Variants in CACNA1D observed in about 807,000 individuals in gnomAD.
CACNA1D encodes voltage-dependent L-type calcium channel subunit alpha-1D.
In CACNA1D, 55 loss-of-function variants were observed where a neutral mutation model predicts 257.1. The ratio of observed to expected loss-of-function variants is 0.21; its 90% CI spans 0.17 to 0.27. The LOEUF (loss-of-function observed/expected upper bound fraction) is 0.27. Ranked by LOEUF, CACNA1D falls within the 10% of genes least tolerant of loss-of-function variation. CACNA1D has a pLI of 1.00. For synonymous variants in CACNA1D, 980 were observed against 1,014.9 expected (o/e 0.97, Z 0.65); for missense variants, 1,876 against 2,784.0 (o/e 0.67, Z 7.34).
intron 3 of CACNA1D, among the ~76,000 whole-genome samples, chr3:53,563,533 CAAAAA>C (rs34553768): frequency 1.0e-5 from 1 of 95,556 alleles, no homozygotes; most frequent in African/African-American, 4.2e-5. Flanking sequence ...GACTCTGTCT[CAAAAA>C]AAAAAAAAAA....
rs544079225 is a variant in CACNA1D at position 53,591,102 on chromosome 3, T to C, written c.484-59677T>C. ...CCTGCCTCTAAGCGACACTACACTG[T>C]CACCTTCCTTCATCATCACTGTTGG... On this transcript the variant is annotated intron_variant, in intron 3 of 47. Transcript: ENST00000350061. Among the ~76,000 whole-genome samples, 6 of 152,306 alleles carry C rather than the reference T, an allele frequency of 3.9e-5. No homozygotes were observed. The South Asian group carries it at 1.2e-3, about 32-fold the overall frequency.
intron 3 of CACNA1D, among the ~76,000 whole-genome samples, chr3:53,639,061 G>T (rs1217992740): frequency 6.6e-6 from 1 of 152,216 alleles, no homozygotes; most frequent in Non-Finnish European, 1.5e-5. Context: ...GGGCACAATT[G>T]CTGTTTGTAT....
chr3:53,508,054 C>T (rs1575702212), intron 3 of CACNA1D, among the ~76,000 whole-genome samples: 1 of 152,174 alleles, frequency 6.6e-6, no homozygotes, highest in Admixed American at 6.5e-5. Flanking sequence ...GTCTGACTGA[C>T]CTCTAGTAGG....
At position 53,751,955 on chromosome 3, in the gene CACNA1D, G is replaced by T. The variant is rs2095229806; in HGVS notation, c.3675+48G>T. 7 of 1,576,012 alleles carry T rather than the reference G, an allele frequency of 4.4e-6. No individual in the cohort carries two copies. Among genetic ancestry groups the T allele is most frequent in the Non-Finnish European group, 5.2e-6 (6 of 1,145,624 alleles). ...GGATCAGGTCCGGGCATTCCGCACA[G>T]CCCCGTGCCCCAAATGCTGAGGGTG... On this transcript the variant is annotated intron_variant, in intron 28 of 47. Transcript: ENST00000350061. This position sits in a 1 kb window ranked among gnomAD's most constrained non-coding sequence, Gnocchi z 4.3.
chr3:53,798,156 G>A (rs561136504), intron 40 of CACNA1D: 4 of 152,338 alleles, frequency 2.6e-5, no homozygotes, highest in African/African-American at 7.2e-5. Context: ...CAGCTGTGCT[G>A]TGTAAGAGCT....
rs746649138 is a variant in CACNA1D, at chr3:53,769,957, C to T, written c.3871-16C>T. The T allele has an allele frequency of 1.2e-6, 2 of 1,603,370 alleles. No homozygotes were observed. Among genetic ancestry groups the T allele is most frequent in the African/African-American group, 2.7e-5 (2 of 74,744 alleles). The stretch of plus-strand genomic sequence containing the variant: ...CCTGGTTCATTAATCCATTTTCAAT[C>T]TTTGATTTCTTAAAGCCAACTGAAA... On this transcript the variant is annotated splice_polypyrimidine_tract_variant and intron_variant, in intron 30 of 47. Coordinates refer to ENST00000350061, the MANE Select transcript of CACNA1D (RefSeq NM_001128840.3).
chr3:53,538,141 G>GTTTT lies in CACNA1D; in HGVS notation c.483+36444_483+36447dup, dbSNP rs538996336. The stretch of plus-strand genomic sequence containing the variant: ...TTCTCCATATTTACCAGTTTTTGAA[G>GTTTT]TTTTTTTTTTTTTTTTTTTTTTTTT... On this transcript the variant is annotated intron_variant, in intron 3 of 47. Transcript: ENST00000350061. 2.1e-3 allele frequency among the ~76,000 whole-genome samples: 194 copies of GTTTT among 90,462 alleles called. 30 individuals carry two copies. Among genetic ancestry groups the GTTTT allele is most frequent in the African/African-American group, 9.7e-3 (162 of 16,672 alleles). The allele number at this position is 90,462 out of a possible 152,430, so 59.3% of individuals were successfully genotyped here.
At chr3:53,496,406 C>T (rs1324706060) in intron 1 of CACNA1D, among the ~76,000 whole-genome samples, 1 of 152,182 alleles carries the variant, frequency 6.6e-6, no homozygotes, top group Non-Finnish European at 1.5e-5. Context: ...TGTAGGGGTG[C>T]AGGCTGACTG....
intron 3 of CACNA1D, among the ~76,000 whole-genome samples, chr3:53,556,350 TTG>T: frequency 6.6e-6 from 1 of 152,356 alleles, no homozygotes; most frequent in Middle Eastern, 3.4e-3. Flanking sequence ...CTGTACCATT[TTG>T]TATTCCCACC....
chr3:53,520,538 G>T (rs1047687320), intron 3 of CACNA1D, among the ~76,000 whole-genome samples: 1 of 152,232 alleles, frequency 6.6e-6, no homozygotes, highest in African/African-American at 2.4e-5. Flanking sequence ...GGCCAAGGCG[G>T]GTCGGTCACC....
intron 20 of CACNA1D, among the ~76,000 whole-genome samples, chr3:53,736,709 T>C (rs1424879378): frequency 6.6e-6 from 1 of 151,860 alleles, no homozygotes; most frequent in East Asian, 1.9e-4. Context: ...CTAGGCAACA[T>C]AGTGAGACCC....
At position 53,678,008 on chromosome 3, in the gene CACNA1D, T is replaced by G. The variant is rs1007256295; in HGVS notation, c.1220+4882T>G. ...TGAAATTATGACAGTTCAGGAAGGG[T>G]GCATCTCTTCCTGGATTTGATGCAA... On this transcript the variant is annotated intron_variant, in intron 8 of 47. Coordinates refer to ENST00000350061, the MANE Select transcript of CACNA1D (RefSeq NM_001128840.3). Among the ~76,000 whole-genome samples, 5 of 152,304 alleles carry G rather than the reference T, an allele frequency of 3.3e-5. No homozygotes were observed. The East Asian group carries it at 9.6e-4, about 29-fold the overall frequency.
At chr3:53,638,554 G>A (rs1228269964) in intron 3 of CACNA1D, among the ~76,000 whole-genome samples, 2 of 152,338 alleles carry the variant, frequency 1.3e-5, no homozygotes, top group East Asian at 3.9e-4. Context: ...TTTGCCACAC[G>A]AAGACACTGG....
intron 10 of CACNA1D, chr3:53,718,651 G>T: frequency 6.5e-7 from 1 of 1,546,690 alleles, no homozygotes. Context: ...AGAATGTGGT[G>T]GTTAACCTGG....
intron 19 of CACNA1D, 145 bp downstream of exon 19, chr3:53,733,107 C>A: frequency 1.4e-6 from 1 of 702,942 alleles, no homozygotes; most frequent in East Asian, 2.7e-5. Flanking sequence ...ACCCAAGTCC[C>A]CTCCAACCCC....
At chr3:53,635,416 A>G (rs897046284) in intron 3 of CACNA1D, among the ~76,000 whole-genome samples, 1 of 152,108 alleles carries the variant, frequency 6.6e-6, no homozygotes, top group African/African-American at 2.4e-5. Context: ...TGTCCCAGTC[A>G]GGTATTTTGT....
At chr3:53,731,038 G>A (rs1215851277) in intron 16 of CACNA1D, 39 bp from the exon 17 acceptor site, 1 of 1,220,502 alleles carries the variant, frequency 8.2e-7, no homozygotes, top group African/African-American at 1.5e-5. Flanking sequence ...AGAGTAACAT[G>A]GTTATTTGGT....
At chr3:53,735,925 C>T (rs1051957611) in intron 20 of CACNA1D, among the ~76,000 whole-genome samples, 1 of 152,188 alleles carries the variant, frequency 6.6e-6, no homozygotes, top group Non-Finnish European at 1.5e-5. Flanking sequence ...CTGTCTTGTT[C>T]AGGGTTGGAG....
intron 3 of CACNA1D, among the ~76,000 whole-genome samples, chr3:53,556,317 A>C (rs538409033): frequency 8.5e-5 from 13 of 152,364 alleles, no homozygotes; most frequent in Non-Finnish European, 1.8e-4. Context: ...ACATTATAAG[A>C]AGCTAACTGC....
Sources: allele counts gnomAD v4.1 joint callset (sites outside exome capture counted in the v4.1 genomes callset), GRCh38; gene constraint gnomAD v4.1.1; non-coding constraint Gnocchi (gnomAD v3.1); transcripts MANE v1.5; gene names NCBI Gene and HGNC (gene_info 2026-07-23, HGNC 2026-07-21).